The following PKHD1L1 variants were observed in gnomAD, a reference collection of about 807,000 sequenced individuals.
The protein encoded by PKHD1L1 is PKHD1 like 1.
A neutral mutation model predicts 462.9 loss-of-function variants in PKHD1L1; 434 were observed. The observed-to-expected ratio is 0.94, with a 90% CI of 0.87 to 1.02. The LOEUF (loss-of-function observed/expected upper bound fraction) is 1.02. Among genes scored for constraint, PKHD1L1 ranks in the 50% least tolerant of loss-of-function variants. The pLI, the probability that PKHD1L1 is intolerant of heterozygous loss-of-function variation, is 0.00. For missense variants in PKHD1L1, 5,202 were observed against 5,096.1 expected, an observed-to-expected ratio of 1.02 and a Z score of -0.63; for synonymous variants, 1,781 against 1,750.0, an observed-to-expected ratio of 1.02 and a Z score of -0.44.
At position 109,461,860 on chromosome 8, in the gene PKHD1L1, T is replaced by A. The variant is rs1275342007; in HGVS notation, c.7335T>A (p.Ala2445=). 1.2e-6 allele frequency: 2 copies of A among 1,605,758 alleles called. No homozygotes were observed. Among genetic ancestry groups the A allele is most frequent in the South Asian group, 2.2e-5 (2 of 89,140 alleles). The change falls in exon 48 of 78, where the codon GCT becomes GCA. Residue 2445 remains alanine, a synonymous_variant. Coordinates refer to ENST00000378402, the MANE Select transcript of PKHD1L1 (RefSeq NM_177531.6). ...TTGGAGGCTGCGTTATGTTTCATGC[T>A]CCTGTACCTGGTGCTAACATGGTAA... The part of the protein sequence containing the change: ...DQFGGCVMFH[A]PVPGANMVTG...
chr8:109,384,411 C>CAAAAAATAAATAAA (rs1812326967), intron 5 of PKHD1L1, among the ~76,000 whole-genome samples: 1 of 151,868 alleles, frequency 6.6e-6, no homozygotes, highest in Non-Finnish European at 1.5e-5. Flanking sequence ...GGCTTGGTGG[C>CAAAAAATAAATAAA]AAGCACCTTT....
chr8:109,450,904 T>C (rs1250459197), intron 40 of PKHD1L1, 71 bp from the exon 41 acceptor site: 14 of 1,403,154 alleles, frequency 1.0e-5, no homozygotes, highest in Non-Finnish European at 1.3e-5. Flanking sequence ...TTATTGAAAA[T>C]GTTTGGAGGT....
chr8:109,485,180 G>T lies in PKHD1L1; in HGVS notation c.9706+7G>T. ...CTTTCCTATACTCACTTTGGTAAGT[G>T]GATGCTTTTTAACCAAATAGATATA... On this transcript the variant is annotated splice_region_variant and intron_variant, in intron 58 of 77. Transcript: ENST00000378402. The T allele has an allele frequency of 6.4e-7, 1 of 1,554,464 alleles. No homozygotes were observed. The highest frequency in any genetic ancestry group is 8.7e-7 in the Non-Finnish European group (1 of 1,147,838).
chr8:109,453,605 A>T (rs2130794638), intron 43 of PKHD1L1, among the ~76,000 whole-genome samples: 1 of 152,294 alleles, frequency 6.6e-6, no homozygotes, highest in Non-Finnish European at 1.5e-5. Context: ...AGGTTTTTGA[A>T]GTTATTAAAT....
chr8:109,443,388 C>T (rs1033916521), intron 36 of PKHD1L1, among the ~76,000 whole-genome samples: 1 of 152,096 alleles, frequency 6.6e-6, no homozygotes, highest in Admixed American at 6.6e-5. Context: ...TGTGCCTGGA[C>T]GTATATTAAA....
At chr8:109,407,963 T>A in intron 17 of PKHD1L1, 86 bp from the exon 18 acceptor site, 1 of 904,806 alleles carries the variant, frequency 1.1e-6, no homozygotes, top group Non-Finnish European at 1.4e-6. Flanking sequence ...TTTGAGTGTC[T>A]ATTAAATATA....
chr8:109,362,469 G>T lies in PKHD1L1; in HGVS notation c.-112G>T. On this transcript the variant is annotated 5_prime_UTR_variant, in exon 1 of 78. Coordinates refer to ENST00000378402, the MANE Select transcript of PKHD1L1 (RefSeq NM_177531.6). ...CACGGGAGGGCGGCCCAGTTCCCCA[G>T]CTCTCCCGGGACGAAGCGGGCCCGC... is the stretch of plus-strand genomic sequence containing the variant. 9.1e-7 allele frequency: 1 copy of T among 1,101,218 alleles called. No homozygotes were observed. The highest frequency in any genetic ancestry group is 1.3e-6 in the Non-Finnish European group (1 of 752,242). 68.2% of individuals were successfully genotyped at this position (1,101,218 alleles called of 1,614,324 possible). A position where few individuals can be genotyped will look rare whatever the true frequency, so the allele number is the denominator to read the frequency against.
rs971272491 is a variant in PKHD1L1, at chr8:109,526,829, T to C, written c.12530T>C (p.Val4177Ala). The C allele has an allele frequency of 3.8e-6, 6 of 1,572,938 alleles. No homozygotes were observed. The East Asian group carries it at 1.2e-4, about 30-fold the overall frequency. Residue 4177 changes from valine to alanine, a missense_variant, in exon 77 of 78, where the codon GTA becomes GCA. Coordinates refer to ENST00000378402, the MANE Select transcript of PKHD1L1 (RefSeq NM_177531.6). ...IEFILDNVVG[V>A]ESRTFSLLAE... Reference sequence around the variant, plus strand: ...TTTATACTGGATAATGTTGTTGGGGTAGAATCCAGAACTTTCAGCCTGCTG... The same window carrying C: ...TTTATACTGGATAATGTTGTTGGGGCAGAATCCAGAACTTTCAGCCTGCTG...
chr8:109,524,959 T>C (rs962735634), intron 76 of PKHD1L1, among the ~76,000 whole-genome samples: 1 of 152,098 alleles, frequency 6.6e-6, no homozygotes, highest in Non-Finnish European at 1.5e-5. Context: ...TCCCTGGTTA[T>C]GTACAATAAG....
rs1816085711 is a variant in PKHD1L1, at chr8:109,445,522, C to A, written c.5653C>A (p.Pro1885Thr). The change falls in exon 38 of 78, where the codon CCC (proline) becomes ACC (threonine). Residue 1885 changes from proline to threonine, a missense_variant. By Grantham distance (38) the Pro-to-Thr change is conservative. Coordinates refer to ENST00000378402, the MANE Select transcript of PKHD1L1 (RefSeq NM_177531.6). ...INPNEVYCRT[P>T]AGTTGMVDVK... is the part of the protein sequence containing the mutation. ...CCCCAATGAAGTCTACTGCCGCACT[C>A]CCGCTGGGACCACTGGAATGGTCGA... is the stretch of plus-strand genomic sequence containing the variant. The A allele has an allele frequency of 6.2e-7, 1 of 1,613,614 alleles. No homozygotes were observed. The highest frequency in any genetic ancestry group is 2.2e-5 in the East Asian group (1 of 44,870).
intron 9 of PKHD1L1, among the ~76,000 whole-genome samples, chr8:109,391,380 A>G (rs868697399): frequency 1.3e-5 from 2 of 152,302 alleles, no homozygotes; most frequent in Middle Eastern, 6.8e-3. Context: ...AGCAACCAGT[A>G]CCACATTTCA....
intron 63 of PKHD1L1, 50 bp from the exon 64 acceptor site, chr8:109,496,869 T>C: frequency 6.5e-7 from 1 of 1,529,538 alleles, no homozygotes; most frequent in Non-Finnish European, 8.9e-7. Flanking sequence ...ATTAAAACTA[T>C]ATGACATGAA....
intron 50 of PKHD1L1, chr8:109,470,616 G>A (rs1216918607): frequency 1.1e-5 from 18 of 1,574,820 alleles, no homozygotes; most frequent in Non-Finnish European, 1.6e-5. Flanking sequence ...TAAATGACTT[G>A]AATAGCTCAG....
At chr8:109,417,531 C>T (rs957525988) in intron 21 of PKHD1L1, among the ~76,000 whole-genome samples, 3 of 138,876 alleles carry the variant, frequency 2.2e-5, no homozygotes, top group Admixed American at 1.5e-4. Context: ...AAAATTTATC[C>T]GCTTCTAACA....
chr8:109,513,035 T>A (rs1431369957), intron 71 of PKHD1L1, among the ~76,000 whole-genome samples: 1 of 151,620 alleles, frequency 6.6e-6, no homozygotes. Context: ...GTGATTTTTG[T>A]ACATTGATTT....
chr8:109,431,789 A>G (rs1289854975), intron 27 of PKHD1L1, among the ~76,000 whole-genome samples: 1 of 152,180 alleles, frequency 6.6e-6, no homozygotes, highest in African/African-American at 2.4e-5. Context: ...ACTTTCTTGT[A>G]CAAACCTCCT....
chr8:109,391,426 A>T (rs1040687813), intron 9 of PKHD1L1, among the ~76,000 whole-genome samples: 1 of 152,164 alleles, frequency 6.6e-6, no homozygotes, highest in Non-Finnish European at 1.5e-5. Flanking sequence ...ATTTCATACC[A>T]TAGCAGGATT....
intron 6 of PKHD1L1, among the ~76,000 whole-genome samples, 200 bp from the exon 7 acceptor site, chr8:109,388,297 C>T (rs1383632107): frequency 6.6e-6 from 1 of 151,978 alleles, no homozygotes; most frequent in East Asian, 1.9e-4. Context: ...TTAAGTTCAC[C>T]GATGTGTGCC....
chr8:109,392,365 A>G (rs891963743), intron 9 of PKHD1L1, among the ~76,000 whole-genome samples: 7 of 152,196 alleles, frequency 4.6e-5, no homozygotes, highest in African/African-American at 1.7e-4. Context: ...ATAAGTACCC[A>G]TAAATCAATA....
Sources: gnomAD v4.1 joint callset for allele counts (sites outside exome capture counted in the v4.1 genomes callset) on GRCh38, gnomAD v4.1.1 for gene constraint, MANE v1.5 for transcripts, NCBI Gene and HGNC (gene_info 2026-07-23, HGNC 2026-07-21) for gene names.